The following GALNT13 variants were observed in gnomAD, a reference collection of about 807,000 sequenced individuals.
GALNT13 encodes UDP-GalNAc:polypeptide N-acetylgalactosaminyltransferase 13.
Under a neutral mutation model 64.2 loss-of-function variants are expected in GALNT13, and 28 were observed. The ratio of observed to expected loss-of-function variants is 0.44; its 90% CI spans 0.32 to 0.60. GALNT13 has a LOEUF of 0.60. Ranked by LOEUF, GALNT13 falls within the 20% of genes least tolerant of loss-of-function variation. The pLI is 0.05. For synonymous variants in GALNT13, 214 were observed against 224.6 expected, an observed-to-expected ratio of 0.95 and a Z score of 0.42; for missense variants, 577 against 669.8, an observed-to-expected ratio of 0.86 and a Z score of 1.53.
chr2:153,669,174 C>T, the GALNT13 span, among the ~76,000 whole-genome samples: 5 of 152,180 alleles, frequency 3.3e-5, no homozygotes, highest in African/African-American at 1.2e-4. Flanking sequence ...CCAACACACA[C>T]CAGCCCATCT....
chr2:154,362,945 A>G (rs1313840343), intron 9 of GALNT13, among the ~76,000 whole-genome samples: 2 of 152,158 alleles, frequency 1.3e-5, no homozygotes, highest in Admixed American at 6.5e-5. Context: ...CACAAATGAA[A>G]TTGTCAGTTT....
rs781701306 is a variant in GALNT13 at position 154,438,622 on chromosome 2, C to T, written c.1426C>T (p.Arg476Ter). The T allele has an allele frequency of 5.6e-6, 9 of 1,611,634 alleles. No individual in the cohort carries two copies. Among genetic ancestry groups the T allele is most frequent in the East Asian group, 2.2e-5 (1 of 44,822 alleles). Reference sequence around the variant, plus strand: ...TTCTTACACTGCTGACAAAGAAATCCGAACCGATGACTTGTGCTTGGATGT... The same window carrying T: ...TTCTTACACTGCTGACAAAGAAATCTGAACCGATGACTTGTGCTTGGATGT... ...VFSYTADKEI[R>*]TDDLCLDVSR... Residue 476 changes from arginine (R) to a stop codon, truncating the protein, a stop_gained, in exon 12 of 13, where the codon CGA (arginine) becomes TGA (stop). Coordinates refer to ENST00000392825, the MANE Select transcript of GALNT13 (RefSeq NM_052917.4). LOFTEE classifies it high-confidence loss of function.
chr2:154,359,759 A>G (rs1210133514), intron 9 of GALNT13, among the ~76,000 whole-genome samples: 1 of 152,136 alleles, frequency 6.6e-6, no homozygotes, highest in African/African-American at 2.4e-5. Flanking sequence ...GATACTGAAG[A>G]TGCATTGATT....
chr2:153,159,518 G>T, the GALNT13 span: 1 of 152,488 alleles, frequency 6.6e-6, no homozygotes, highest in Admixed American at 6.5e-5. Context: ...ATATAAGGAG[G>T]TAAAGAATCA....
At chr2:154,326,665 A>G (rs547435001) in intron 9 of GALNT13, among the ~76,000 whole-genome samples, 1 of 152,132 alleles carries the variant, frequency 6.6e-6, no homozygotes, top group Non-Finnish European at 1.5e-5. Flanking sequence ...CTCTACTTCT[A>G]ATAAGCCAGA....
chr2:153,458,730 AAATG>A, the GALNT13 span, among the ~76,000 whole-genome samples: 1 of 152,180 alleles, frequency 6.6e-6, no homozygotes, highest in African/African-American at 2.4e-5. Context: ...ATGTTTCTTG[AAATG>A]AATGAATGAG....
chr2:153,271,933 A>T, the GALNT13 span, among the ~76,000 whole-genome samples: 1 of 152,230 alleles, frequency 6.6e-6, no homozygotes, highest in African/African-American at 2.4e-5. Flanking sequence ...AGACCAATGG[A>T]ACAGAACAGA....
chr2:153,131,121 TTATAAA>T, the GALNT13 span, among the ~76,000 whole-genome samples: 2 of 152,128 alleles, frequency 1.3e-5, no homozygotes, highest in East Asian at 1.9e-4. Context: ...TAACACAGAA[TTATAAA>T]TATTAATGAT....
chr2:153,369,434 G>C, the GALNT13 span, among the ~76,000 whole-genome samples: 1 of 151,904 alleles, frequency 6.6e-6, no homozygotes. Flanking sequence ...AAAAATAAGA[G>C]AGAACACATG....
the GALNT13 span, among the ~76,000 whole-genome samples, chr2:153,797,682 C>T: frequency 6.6e-6 from 1 of 152,154 alleles, no homozygotes; most frequent in African/African-American, 2.4e-5. Context: ...TGATGAGAGG[C>T]TGGTACTCCT....
chr2:153,491,594 A>ATATTATATTTATT, the GALNT13 span, among the ~76,000 whole-genome samples: 3 of 145,382 alleles, frequency 2.1e-5, no homozygotes, highest in African/African-American at 7.8e-5. Flanking sequence ...AAACCATATT[A>ATATTATATTTATT]TATTTATTTA....
the GALNT13 span, among the ~76,000 whole-genome samples, chr2:153,296,575 A>G: frequency 4.6e-5 from 7 of 152,288 alleles, no homozygotes; most frequent in Non-Finnish European, 1.0e-4. Flanking sequence ...ACCTGTTAAA[A>G]GCTAAGTGAA....
chr2:153,654,630 A>G, the GALNT13 span, among the ~76,000 whole-genome samples: 2 of 152,132 alleles, frequency 1.3e-5, no homozygotes, highest in Non-Finnish European at 2.9e-5. Flanking sequence ...AAAATATTTG[A>G]AAAAATAATA....
chr2:154,058,264 A>G (rs997066694), intron 3 of GALNT13, among the ~76,000 whole-genome samples: 1 of 151,176 alleles, frequency 6.6e-6, no homozygotes, highest in South Asian at 2.1e-4. Flanking sequence ...TCATACTGCC[A>G]TTCTGATCTC....
At chr2:154,433,861 T>G (rs1375193505) in intron 11 of GALNT13, among the ~76,000 whole-genome samples, 1 of 152,218 alleles carries the variant, frequency 6.6e-6, no homozygotes, top group Non-Finnish European at 1.5e-5. Flanking sequence ...GCCTGAATTG[T>G]GCTCTTCTAG....
At chr2:153,325,406 A>T in the GALNT13 span, among the ~76,000 whole-genome samples, 1 of 151,106 alleles carries the variant, frequency 6.6e-6, no homozygotes, top group Non-Finnish European at 1.5e-5. Context: ...TATTCATTTG[A>T]CTAGCAGTCT....
chr2:154,216,802 C>CTT (rs397872685), intron 4 of GALNT13, among the ~76,000 whole-genome samples: 1,912 of 71,246 alleles, frequency 0.027, 3 homozygotes, highest in Non-Finnish European at 0.032. Flanking sequence ...TTCTCTCTCT[C>CTT]TTTTTTTTTT....
At chr2:153,111,113 A>G in the GALNT13 span, among the ~76,000 whole-genome samples, 2 of 152,074 alleles carry the variant, frequency 1.3e-5, no homozygotes, top group Admixed American at 1.3e-4. Context: ...TCCCAATTCA[A>G]TAGGGGTTTC....
At chr2:153,603,665 G>A in the GALNT13 span, among the ~76,000 whole-genome samples, 1 of 151,934 alleles carries the variant, frequency 6.6e-6, no homozygotes, top group East Asian at 1.9e-4. Context: ...AGCACAGAGA[G>A]GAATGTGTCT....
Sources: allele counts gnomAD v4.1 joint callset (sites outside exome capture counted in the v4.1 genomes callset), GRCh38; gene constraint gnomAD v4.1.1; transcripts MANE v1.5; gene names NCBI Gene and HGNC (gene_info 2026-07-23, HGNC 2026-07-21).